The following RGS6 variants were observed in gnomAD, a reference collection of about 807,000 sequenced individuals.
The protein encoded by RGS6 is regulator of G protein signaling 6, also known as regulator of G-protein signaling 6.
A neutral mutation model predicts 78.5 loss-of-function variants in RGS6; 30 were observed. The observed-to-expected ratio is 0.38, with a 90% CI of 0.29 to 0.52. The LOEUF (loss-of-function observed/expected upper bound fraction) is 0.52, where lower values mean the gene tolerates loss of function less well. Ranked by LOEUF, RGS6 falls within the 20% of genes least tolerant of loss-of-function variation. The pLI, the probability that RGS6 is intolerant of heterozygous loss-of-function variation, is 0.85. For synonymous variants in RGS6, 206 were observed against 206.0 expected, an observed-to-expected ratio of 1.00 and a Z score of 0.00; for missense variants, 495 against 609.7, an observed-to-expected ratio of 0.81 and a Z score of 1.98.
intron 2 of RGS6, among the ~76,000 whole-genome samples, chr14:72,119,350 A>C (rs1253288250): frequency 6.6e-6 from 1 of 152,178 alleles, no homozygotes; most frequent in Admixed American, 6.5e-5. Context: ...GTTTCATAGG[A>C]AACCATACCC....
At chr14:72,379,510 A>G (rs537198257) in intron 3 of RGS6, among the ~76,000 whole-genome samples, 1 of 152,140 alleles carries the variant, frequency 6.6e-6, no homozygotes, top group African/African-American at 2.4e-5. Flanking sequence ...ACATACAAAG[A>G]TCAGTAGTGT....
chr14:72,377,599 AT>A (rs1007701034), intron 3 of RGS6, among the ~76,000 whole-genome samples: 6 of 152,042 alleles, frequency 3.9e-5, no homozygotes, highest in Non-Finnish European at 7.4e-5. Context: ...CAGAATATGC[AT>A]TTTTTTTCAT....
intron 2 of RGS6, among the ~76,000 whole-genome samples, chr14:72,317,247 T>C (rs1331059917): frequency 2.0e-5 from 3 of 152,006 alleles, no homozygotes; most frequent in African/African-American, 7.3e-5. Context: ...CTGCCAATAA[T>C]AATAACAATA....
intron 2 of RGS6, among the ~76,000 whole-genome samples, chr14:72,015,611 T>C (rs974945091): frequency 6.6e-6 from 1 of 152,234 alleles, no homozygotes; most frequent in African/African-American, 2.4e-5. Flanking sequence ...CTAGAGCCAG[T>C]ACTCAGAGGA....
At chr14:72,112,327 G>C (rs553006385) in intron 2 of RGS6, among the ~76,000 whole-genome samples, 8 of 152,170 alleles carry the variant, frequency 5.3e-5, no homozygotes, top group African/African-American at 1.9e-4. Context: ...GTTTTGATGC[G>C]TGCTCCCCAT....
intron 2 of RGS6, among the ~76,000 whole-genome samples, chr14:72,081,257 T>C (rs533708963): frequency 6.6e-6 from 1 of 152,220 alleles, no homozygotes; most frequent in Non-Finnish European, 1.5e-5. Flanking sequence ...AAGTACTTTA[T>C]TTATTTATTT....
chr14:71,927,050 G>C, the RGS6 span, among the ~76,000 whole-genome samples: 1 of 152,190 alleles, frequency 6.6e-6, no homozygotes, highest in Non-Finnish European at 1.5e-5. Context: ...CCTATTCTGT[G>C]ATAATTCTGA....
chr14:72,106,005 G>A (rs1176535746), intron 2 of RGS6, among the ~76,000 whole-genome samples: 1 of 152,146 alleles, frequency 6.6e-6, no homozygotes, highest in Non-Finnish European at 1.5e-5. Flanking sequence ...CTGTTCTTTT[G>A]GACTGAGAAA....
At chr14:72,553,790 T>G (rs1488283494) in intron 17 of RGS6, among the ~76,000 whole-genome samples, 1 of 152,168 alleles carries the variant, frequency 6.6e-6, no homozygotes, top group Non-Finnish European at 1.5e-5. Context: ...CTTCCATAAC[T>G]CTTCCTCTGT....
intron 2 of RGS6, among the ~76,000 whole-genome samples, chr14:72,118,289 T>G (rs1567240275): frequency 6.6e-6 from 1 of 152,172 alleles, no homozygotes; most frequent in Non-Finnish European, 1.5e-5. Flanking sequence ...AGTTACTACC[T>G]ATAATGCTCT....
chr14:72,599,569 T>G, the RGS6 span, among the ~76,000 whole-genome samples: 1 of 137,654 alleles, frequency 7.3e-6, no homozygotes, highest in East Asian at 2.3e-4. Context: ...CCACCACGCC[T>G]GGCTAATTTT....
At chr14:72,155,437 G>T (rs573496882) in intron 2 of RGS6, among the ~76,000 whole-genome samples, 70 of 152,248 alleles carry the variant, frequency 4.6e-4, no homozygotes, top group African/African-American at 1.7e-3. Flanking sequence ...TCCCACCCAG[G>T]ATATGACTTC....
intron 2 of RGS6, among the ~76,000 whole-genome samples, chr14:72,116,377 A>T (rs8004355): frequency 3.3e-5 from 5 of 151,928 alleles, no homozygotes; most frequent in African/African-American, 1.2e-4. Flanking sequence ...ATTGTTTTCC[A>T]GGTTTTCTCA....
intron 2 of RGS6, among the ~76,000 whole-genome samples, chr14:72,184,862 A>G (rs1481090827): frequency 6.6e-6 from 1 of 152,224 alleles, no homozygotes; most frequent in Non-Finnish European, 1.5e-5. Flanking sequence ...GGACAGGACT[A>G]ATAGGATAGA....
chr14:72,531,824 C>T (rs138099837), intron 15 of RGS6, among the ~76,000 whole-genome samples: 34 of 152,316 alleles, frequency 2.2e-4, no homozygotes, highest in African/African-American at 8.2e-4. Context: ...AATCTACTCT[C>T]AGCAATTTTC....
At chr14:71,939,670 A>G (rs2152952251) in intron 1 of RGS6, among the ~76,000 whole-genome samples, 1 of 152,392 alleles carries the variant, frequency 6.6e-6, no homozygotes, top group Non-Finnish European at 1.5e-5. Context: ...ATGAAACCAC[A>G]TCTGGTACAG....
At chr14:72,336,774 C>T (rs2283390) in intron 2 of RGS6, among the ~76,000 whole-genome samples, 1 of 151,730 alleles carries the variant, frequency 6.6e-6, no homozygotes, top group East Asian at 1.9e-4. Flanking sequence ...CAGAAGTCTA[C>T]GATCAAGACA....
At chr14:72,149,373 G>T (rs1476089034) in intron 2 of RGS6, among the ~76,000 whole-genome samples, 1 of 152,138 alleles carries the variant, frequency 6.6e-6, no homozygotes, top group East Asian at 1.9e-4. Context: ...GAGTGTTGAA[G>T]AATTTGACAA....
At chr14:71,872,861 A>G in the RGS6 span, among the ~76,000 whole-genome samples, 2 of 152,132 alleles carry the variant, frequency 1.3e-5, no homozygotes, top group African/African-American at 2.4e-5. Flanking sequence ...CTCACTGTTC[A>G]ATTCCCACCT....
Sources: allele counts gnomAD v4.1 joint callset (sites outside exome capture counted in the v4.1 genomes callset), GRCh38; gene constraint gnomAD v4.1.1; transcripts MANE v1.5; gene names NCBI Gene and HGNC (gene_info 2026-07-23, HGNC 2026-07-21).